The following TXNDC5 variants were observed in gnomAD, a reference collection of about 807,000 sequenced individuals.
TXNDC5 encodes thioredoxin domain containing 5.
A neutral mutation model predicts 52.6 loss-of-function variants in TXNDC5; 44 were observed. That is an observed-to-expected ratio of 0.84 (90% confidence interval 0.66 to 1.08). TXNDC5 has a LOEUF of 1.08. TXNDC5 is among the 50% of genes least tolerant of loss of function. The pLI, the probability that TXNDC5 is intolerant of heterozygous loss-of-function variation, is 0.00. For missense variants in TXNDC5, 600 were observed against 565.5 expected, an observed-to-expected ratio of 1.06 and a Z score of -0.62; for synonymous variants, 241 against 234.4, an observed-to-expected ratio of 1.03 and a Z score of -0.26.
At chr6:7,883,306 C>T in intron 9 of TXNDC5, 40 bp from the exon 10 acceptor site, 1 of 1,612,710 alleles carries the variant, frequency 6.2e-7, no homozygotes, top group Non-Finnish European at 8.5e-7. Context: ...ACCAGCGGTC[C>T]AGATCACATG....
chr6:7,895,224 G>A (rs765703177), intron 3 of TXNDC5, 22 bp from the exon 4 acceptor site: 3 of 1,599,356 alleles, frequency 1.9e-6, no homozygotes, highest in East Asian at 4.5e-5. Flanking sequence ...AAATAAAACA[G>A]TCATGGGTGT....
chr6:7,894,624 C>T (rs1385597738), intron 4 of TXNDC5: 5 of 779,678 alleles, frequency 6.4e-6, no homozygotes, highest in Non-Finnish European at 7.8e-6. Context: ...TACAGCATTA[C>T]TTCTTTAAAA....
chr6:7,910,594 G>A lies in TXNDC5; in HGVS notation c.183C>T (p.His61=), dbSNP rs1430464806. ...TGTCGGCCGTGTACAGGTGCTTGCT[G>A]TGCGGGTCCTGTCCGTCCTCGCCGT... The part of the protein sequence containing the change: ...AADGEDGQDP[H]SKHLYTADMF... Residue 61 remains histidine (H), a synonymous_variant, in exon 1 of 10, where the codon CAC becomes CAT. Coordinates refer to ENST00000379757, the MANE Select transcript of TXNDC5 (RefSeq NM_030810.5). 2.8e-6 allele frequency: 4 copies of A among 1,417,508 alleles called. No individual in the cohort carries two copies. Among genetic ancestry groups the A allele is most frequent in the South Asian group, 1.3e-5 (1 of 74,366 alleles). 87.8% of individuals were successfully genotyped at this position (1,417,508 alleles called of 1,614,324 possible).
intron 7 of TXNDC5, among the ~76,000 whole-genome samples, chr6:7,887,353 A>G (rs1760019100): frequency 6.6e-6 from 1 of 152,178 alleles, no homozygotes; most frequent in African/African-American, 2.4e-5. Flanking sequence ...GCCACTGGAC[A>G]CTGCCACCTA....
chr6:7,884,582 G>C, intron 8 of TXNDC5, 94 bp from the exon 9 acceptor site: 1 of 1,548,880 alleles, frequency 6.5e-7, no homozygotes, highest in Non-Finnish European at 8.8e-7. Flanking sequence ...TCTTCTGTAT[G>C]GGACAGTCAA....
At chr6:7,887,917 G>C (rs559185832) in intron 7 of TXNDC5, among the ~76,000 whole-genome samples, 4 of 152,150 alleles carry the variant, frequency 2.6e-5, no homozygotes, top group Admixed American at 1.3e-4. Flanking sequence ...GTCCAGCACA[G>C]ATCCCGTCAA....
rs1008352770 is a variant in TXNDC5, at chr6:7,891,857, T to C, written c.617-121A>G. Reference sequence around the variant, plus strand: ...CTGCTTAGCAAATCTTAGTTCGGCATGAGCACTTTAATTGGTACAAAGGGA... The same window carrying C: ...CTGCTTAGCAAATCTTAGTTCGGCACGAGCACTTTAATTGGTACAAAGGGA... On this transcript the variant is annotated intron_variant, in intron 4 of 9. Coordinates refer to ENST00000379757, the MANE Select transcript of TXNDC5 (RefSeq NM_030810.5). 18 of 678,808 alleles carry C rather than the reference T, an allele frequency of 2.7e-5. No individual in the cohort carries two copies. The Middle Eastern group carries it at 8.1e-4, about 30-fold the overall frequency. The allele number at this position is 678,808 out of a possible 1,614,324, so 42.0% of individuals were successfully genotyped here. A position where few individuals can be genotyped will look rare whatever the true frequency, so the allele number is the denominator to read the frequency against.
At chr6:7,890,372 A>G (rs1760149119) in intron 5 of TXNDC5, among the ~76,000 whole-genome samples, 1 of 152,206 alleles carries the variant, frequency 6.6e-6, no homozygotes, top group Non-Finnish European at 1.5e-5. Flanking sequence ...GAAGTACAAG[A>G]GGCCTCAGCC....
intron 5 of TXNDC5, among the ~76,000 whole-genome samples, chr6:7,890,281 T>C (rs1760145559): frequency 6.6e-6 from 1 of 152,206 alleles, no homozygotes; most frequent in South Asian, 2.1e-4. Context: ...ACTAAGTTGT[T>C]ATTCACTATG....
intron 9 of TXNDC5, among the ~76,000 whole-genome samples, chr6:7,883,616 G>A (rs1759848775): frequency 6.6e-6 from 1 of 152,162 alleles, no homozygotes; most frequent in South Asian, 2.1e-4. Flanking sequence ...CATTTCCAAT[G>A]ACCTCCCTGG....
chr6:7,885,930 C>G (rs1759957979), intron 8 of TXNDC5, 31 bp downstream of exon 8: 1 of 1,608,334 alleles, frequency 6.2e-7, no homozygotes, highest in Admixed American at 1.7e-5. Context: ...TACACATGGA[C>G]AAAGTAGTTT....
intron 5 of TXNDC5, among the ~76,000 whole-genome samples, chr6:7,890,051 C>A (rs1038236310): frequency 3.3e-5 from 5 of 152,144 alleles, no homozygotes; most frequent in African/African-American, 1.2e-4. Context: ...GAATTTTAAA[C>A]AGGAGTAGTT....
At chr6:7,900,368 G>A (rs1486330850) in intron 2 of TXNDC5, 5 of 152,172 alleles carry the variant, frequency 3.3e-5, no homozygotes, top group African/African-American at 9.7e-5. Flanking sequence ...CAGCAGTCAC[G>A]GGAAAACGTG....
chr6:7,904,062 A>G (rs1357715165), intron 2 of TXNDC5, among the ~76,000 whole-genome samples: 16 of 152,248 alleles, frequency 1.1e-4, no homozygotes, highest in Non-Finnish European at 2.9e-5. Context: ...TTTCTGTTTA[A>G]TAAGAGAACA....
At chr6:7,902,100 C>T (rs190581896) in intron 2 of TXNDC5, among the ~76,000 whole-genome samples, 5 of 152,236 alleles carry the variant, frequency 3.3e-5, no homozygotes, top group East Asian at 3.9e-4. Flanking sequence ...AGCCAAGGAA[C>T]GCCAAAGATG....
At position 7,881,814 on chromosome 6, in the gene TXNDC5, C is replaced by T. The variant is rs947299492; in HGVS notation, c.*1330G>A. On this transcript the variant is annotated 3_prime_UTR_variant, in exon 10 of 10. Coordinates refer to ENST00000379757, the MANE Select transcript of TXNDC5 (RefSeq NM_030810.5). ...TTTCTAAGATTCCTACCACCAGTTA[C>T]TTTGGGCCAAGTATCCACATCCCCT... 6.6e-6 allele frequency: 1 copy of T among 152,250 alleles called. No homozygotes were observed. The highest frequency in any genetic ancestry group is 1.5e-5 in the Non-Finnish European group (1 of 68,040). The allele number at this position is 152,250 out of a possible 1,614,324, so 9.4% of individuals were successfully genotyped here.
At chr6:7,909,874 A>G in intron 1 of TXNDC5, 5 of 986,002 alleles carry the variant, frequency 5.1e-6, no homozygotes, top group Non-Finnish European at 6.0e-6. Flanking sequence ...AGTCTGTCCC[A>G]GCCGACCCCG....
At chr6:7,883,710 A>C (rs1391349306) in intron 9 of TXNDC5, among the ~76,000 whole-genome samples, 1 of 152,212 alleles carries the variant, frequency 6.6e-6, no homozygotes. Context: ...CGTTTCTAAG[A>C]ATTTTAGGGC....
chr6:7,901,499 ATCT>A (rs1200981418), intron 2 of TXNDC5, among the ~76,000 whole-genome samples: 1 of 152,226 alleles, frequency 6.6e-6, no homozygotes, highest in Non-Finnish European at 1.5e-5. Context: ...AAAAAAAACC[ATCT>A]TCTTGTTGTT....
Sources: gnomAD v4.1 joint callset for allele counts (sites outside exome capture counted in the v4.1 genomes callset) on GRCh38, gnomAD v4.1.1 for gene constraint, MANE v1.5 for transcripts, NCBI Gene and HGNC (gene_info 2026-07-23, HGNC 2026-07-21) for gene names.